Variants in AGPAT4 observed in about 807,000 individuals in gnomAD.
AGPAT4 encodes 1-acyl-sn-glycerol-3-phosphate acyltransferase delta.
AGPAT4 carries 15 observed loss-of-function variants against 48.0 expected under a neutral mutation model. The ratio of observed to expected loss-of-function variants is 0.31; its 90% CI spans 0.21 to 0.48. The LOEUF is 0.48. AGPAT4 is among the 20% of genes least tolerant of loss of function. The pLI is 0.99. For synonymous variants in AGPAT4, 178 were observed against 198.7 expected (o/e 0.90, Z 0.88); for missense variants, 314 against 482.5 (o/e 0.65, Z 3.27).
rs1368928616 is a variant in AGPAT4, at chr6:161,229,622, T to C, written c.178+2414A>G. On this transcript the variant is annotated intron_variant, in intron 2 of 8. Transcript: ENST00000320285. This position sits in a 1 kb window ranked among gnomAD's most constrained non-coding sequence, Gnocchi z 6.0. ...AAACGGAGAATCCTGGCGAGGATTC[T>C]CTCAAACCTGGGGATAGTTTGCACT... 6.6e-6 allele frequency among the ~76,000 whole-genome samples: 1 copy of C among 152,122 alleles called. No individual in the cohort carries two copies. The highest frequency in any genetic ancestry group is 2.4e-5 in the African/African-American group (1 of 41,430).
intron 2 of AGPAT4, among the ~76,000 whole-genome samples, chr6:161,167,164 G>A (rs1425988084): frequency 2.0e-5 from 3 of 152,138 alleles, no homozygotes; most frequent in African/African-American, 7.2e-5. Flanking sequence ...ACTTTGAAAT[G>A]GACTCTTGAA....
rs756780196 is a variant in AGPAT4, at chr6:161,161,568, G to A, written c.348+4680C>T. On this transcript the variant is annotated intron_variant, in intron 3 of 8. Coordinates refer to ENST00000320285, the MANE Select transcript of AGPAT4 (RefSeq NM_020133.3). The surrounding 1 kb of genome is among the most constrained non-coding windows in gnomAD (Gnocchi z 4.6). ...TCAGGTGATGCCAGCAGTGAGCAGG[G>A]TGCAAGACCACCCTACAGAGCTGAC... The A allele has an allele frequency of 3.6e-5, 16 of 445,932 alleles. No individual in the cohort carries two copies. Among genetic ancestry groups the A allele is most frequent in the Non-Finnish European group, 6.4e-5 (14 of 220,020 alleles). The allele number at this position is 445,932 out of a possible 1,614,324, so 27.6% of individuals were successfully genotyped here. A position where few individuals can be genotyped will look rare whatever the true frequency, so the allele number is the denominator to read the frequency against.
chr6:161,174,949 T>C (rs1331464764), intron 2 of AGPAT4, among the ~76,000 whole-genome samples: 1 of 152,212 alleles, frequency 6.6e-6, no homozygotes, highest in East Asian at 1.9e-4. Flanking sequence ...TGGATTTATG[T>C]TTATTGATTT....
chr6:161,191,120 G>A (rs920369872), intron 2 of AGPAT4, among the ~76,000 whole-genome samples: 3 of 152,180 alleles, frequency 2.0e-5, no homozygotes, highest in Non-Finnish European at 4.4e-5. Flanking sequence ...AGTGCTTACT[G>A]TGGGCCACAC....
chr6:161,250,307 A>G (rs1782772341), intron 1 of AGPAT4, among the ~76,000 whole-genome samples: 1 of 152,222 alleles, frequency 6.6e-6, no homozygotes, highest in Non-Finnish European at 1.5e-5. Context: ...GTTTACCTAT[A>G]TAACAAACCT....
Position 161,175,450 on chromosome 6 carries a change from T to A in AGPAT4, c.179-9033A>T, listed in dbSNP as rs540118419. Among the ~76,000 whole-genome samples the A allele has an allele frequency of 5.3e-5, 8 of 152,360 alleles. No individual in the cohort carries two copies. The East Asian group carries it at 1.3e-3, about 26-fold the overall frequency. On this transcript the variant is annotated intron_variant, in intron 2 of 8. Coordinates refer to ENST00000320285, the MANE Select transcript of AGPAT4 (RefSeq NM_020133.3). ...TTTATTTGCATAGAGGTGTTTATAGTATGCTCTGATAGTAGTTTGTATTTC... is the reference window on the plus strand; with the variant it reads ...TTTATTTGCATAGAGGTGTTTATAGAATGCTCTGATAGTAGTTTGTATTTC...
Position 161,141,156 on chromosome 6 carries a change from G to A in AGPAT4, c.844-1536C>T, listed in dbSNP as rs1000993375. ...TCCACACACTAGGCCATTTTGGAAG[G>A]AGAACCCCCAACCCCTTCCCTGGGC... is the stretch of plus-strand genomic sequence containing the variant. On this transcript the variant is annotated intron_variant, in intron 7 of 8. Coordinates refer to ENST00000320285, the MANE Select transcript of AGPAT4 (RefSeq NM_020133.3). This position sits in a 1 kb window ranked among gnomAD's most constrained non-coding sequence, Gnocchi z 6.7. Among the ~76,000 whole-genome samples the A allele has an allele frequency of 3.3e-5, 5 of 151,982 alleles. No homozygotes were observed. The highest frequency in any genetic ancestry group is 5.9e-5 in the Non-Finnish European group (4 of 68,014).
Position 161,218,271 on chromosome 6 carries a change from G to A in AGPAT4, c.178+13765C>T, listed in dbSNP as rs1292804659. Among the ~76,000 whole-genome samples, 1 of 152,194 alleles carries A rather than the reference G, an allele frequency of 6.6e-6. No individual in the cohort carries two copies. The highest frequency in any genetic ancestry group is 1.9e-4 in the East Asian group (1 of 5,186). On this transcript the variant is annotated intron_variant, in intron 2 of 8. Coordinates refer to ENST00000320285, the MANE Select transcript of AGPAT4 (RefSeq NM_020133.3). This position sits in a 1 kb window ranked among gnomAD's most constrained non-coding sequence, Gnocchi z 4.7. The stretch of plus-strand genomic sequence containing the variant: ...GGAGGAAAAAAAGCCCTGATTTATA[G>A]TTCTGCCGATTTCTATGGTGCAAAT...
rs200970443 is a variant in AGPAT4 at position 161,169,230 on chromosome 6, A to G, written c.179-2813T>C. On this transcript the variant is annotated intron_variant, in intron 2 of 8. Transcript: ENST00000320285. This position sits in a 1 kb window ranked among gnomAD's most constrained non-coding sequence, Gnocchi z 5.0. ...TATAAAAACCACTGGAGCATTTTTA[A>G]ATAGACACACACCAACATCCAATTT... 6.6e-6 allele frequency among the ~76,000 whole-genome samples: 1 copy of G among 152,166 alleles called. No homozygotes were observed. The highest frequency in any genetic ancestry group is 1.5e-5 in the Non-Finnish European group (1 of 68,036).
intron 2 of AGPAT4, among the ~76,000 whole-genome samples, chr6:161,173,330 G>A (rs1175337493): frequency 6.6e-6 from 1 of 152,056 alleles, no homozygotes; most frequent in Non-Finnish European, 1.5e-5. Flanking sequence ...TTTAATGATC[G>A]CCATTCTAAC....
In AGPAT4 at chr6:161,240,387, G is replaced by A. The variant is rs62435554; in HGVS notation, c.-89-8085C>T. On this transcript the variant is annotated intron_variant, in intron 1 of 8. Coordinates refer to ENST00000320285, the MANE Select transcript of AGPAT4 (RefSeq NM_020133.3). The surrounding 1 kb of genome is among the most constrained non-coding windows in gnomAD (Gnocchi z 5.5). ...AAGATCCCTTCCAAGTCAAACACAC[G>A]GCTGCCCTCCCAAGGCAAGCTTTTT... Among the ~76,000 whole-genome samples the A allele has an allele frequency of 0.018, 2,670 of 152,112 alleles. 32 individuals are homozygous for A. The highest frequency in any genetic ancestry group is 0.029 in the Non-Finnish European group (1,950 of 67,998).
rs1779192539 is a variant in AGPAT4, at chr6:161,139,817, C to T, written c.844-197G>A. Among the ~76,000 whole-genome samples, 1 of 152,232 alleles carries T rather than the reference C, an allele frequency of 6.6e-6. No homozygotes were observed. The highest frequency in any genetic ancestry group is 2.4e-5 in the African/African-American group (1 of 41,466). ...TCAAAGCTGCATCTGGCCGCCCCTC[C>T]CACAGGGACACTGGGAGTGGTGGGG... On this transcript the variant is annotated intron_variant, in intron 7 of 8. Transcript: ENST00000320285. This position sits in a 1 kb window ranked among gnomAD's most constrained non-coding sequence, Gnocchi z 9.1.
chr6:161,176,300 C>T (rs1340955154), intron 2 of AGPAT4, among the ~76,000 whole-genome samples: 1 of 152,148 alleles, frequency 6.6e-6, no homozygotes, highest in Non-Finnish European at 1.5e-5. Flanking sequence ...TAAGGACTTG[C>T]TTTATGAATC....
Position 161,197,306 on chromosome 6 carries a change from G to A in AGPAT4, c.179-30889C>T, listed in dbSNP as rs537993433. Among the ~76,000 whole-genome samples the A allele has an allele frequency of 2.0e-5, 3 of 152,280 alleles. No homozygotes were observed. Among genetic ancestry groups the A allele is most frequent in the East Asian group, 3.9e-4 (2 of 5,182 alleles). On this transcript the variant is annotated intron_variant, in intron 2 of 8. Transcript: ENST00000320285. This position sits in a 1 kb window ranked among gnomAD's most constrained non-coding sequence, Gnocchi z 5.7. The stretch of plus-strand genomic sequence containing the variant: ...CTGCTAGGGACATTAAAGAACTAGC[G>A]TTCCATAAAACAGTTTGGGAAATAC...
chr6:161,207,470 A>C (rs929936313), intron 2 of AGPAT4, among the ~76,000 whole-genome samples: 1 of 152,178 alleles, frequency 6.6e-6, no homozygotes, highest in Admixed American at 6.5e-5. Flanking sequence ...CACATTTAGT[A>C]AGAAGATAAA....
At chr6:161,268,950 A>G (rs1009896566) in intron 1 of AGPAT4, among the ~76,000 whole-genome samples, 1 of 152,190 alleles carries the variant, frequency 6.6e-6, no homozygotes, top group Admixed American at 6.5e-5. Context: ...TGCTGTTACT[A>G]TTAAGAAAGC....
chr6:161,217,182 G>A lies in AGPAT4; in HGVS notation c.178+14854C>T, dbSNP rs1037236922. On this transcript the variant is annotated intron_variant, in intron 2 of 8. Transcript: ENST00000320285. This position sits in a 1 kb window ranked among gnomAD's most constrained non-coding sequence, Gnocchi z 4.9. ...GGAGTGAGCACAGGCGTGGGGACGC[G>A]AAAGGACAGGGGAACACCGGAGAAC... Among the ~76,000 whole-genome samples, 1 of 152,226 alleles carries A rather than the reference G, an allele frequency of 6.6e-6. No homozygotes were observed. The highest frequency in any genetic ancestry group is 1.5e-5 in the Non-Finnish European group (1 of 68,040).
In AGPAT4 at chr6:161,220,752, A is replaced by G. The variant is rs908382691; in HGVS notation, c.178+11284T>C. 6.6e-6 allele frequency among the ~76,000 whole-genome samples: 1 copy of G among 152,050 alleles called. No individual in the cohort carries two copies. The highest frequency in any genetic ancestry group is 1.5e-5 in the Non-Finnish European group (1 of 68,012). On this transcript the variant is annotated intron_variant, in intron 2 of 8. Transcript: ENST00000320285. The surrounding 1 kb of genome is among the most constrained non-coding windows in gnomAD (Gnocchi z 6.0). ...ACTGCCCCATTGGTTGTGCAAAGCC[A>G]TTCTGAAGACTCGGACAGCGTAGAT...
At position 161,137,559 on chromosome 6, in the gene AGPAT4, C is replaced by T. The variant is rs561310792; in HGVS notation, c.1043-925G>A. Among the ~76,000 whole-genome samples, 2 of 152,220 alleles carry T rather than the reference C, an allele frequency of 1.3e-5. No homozygotes were observed. Among genetic ancestry groups the T allele is most frequent in the South Asian group, 4.2e-4 (2 of 4,816 alleles). ...CAAACTGGAGGGCTCCTGCATGGAG[C>T]GTAACAGTAACAGTGAGAGTGGAGT... On this transcript the variant is annotated intron_variant, in intron 8 of 8. Transcript: ENST00000320285. This position sits in a 1 kb window ranked among gnomAD's most constrained non-coding sequence, Gnocchi z 6.1.
Sources: gnomAD v4.1 joint callset for allele counts (sites outside exome capture counted in the v4.1 genomes callset) on GRCh38, gnomAD v4.1.1 for gene constraint, Gnocchi (gnomAD v3.1) non-coding constraint, MANE v1.5 for transcripts, NCBI Gene and HGNC (gene_info 2026-07-23, HGNC 2026-07-21) for gene names.